Variants in CCNF observed in about 807,000 individuals in gnomAD.
The protein encoded by CCNF is cyclin F, also known as cyclin-F.
In CCNF, 30 loss-of-function variants were observed where a neutral mutation model predicts 85.4. The observed-to-expected ratio is 0.35, with a 90% CI of 0.26 to 0.48. CCNF has a LOEUF of 0.48. CCNF is among the 20% of genes least tolerant of loss of function. The pLI, the probability that CCNF is intolerant of heterozygous loss-of-function variation, is 0.99. For synonymous variants in CCNF, 439 were observed against 425.1 expected (o/e 1.03, Z -0.40); for missense variants, 919 against 1,010.4 (o/e 0.91, Z 1.23).
At chr16:2,437,588 G>C in intron 5 of CCNF, 1 of 426,746 alleles carries the variant, frequency 2.3e-6, no homozygotes, top group East Asian at 4.0e-5. Context: ...GGGGCAGTGG[G>C]AGCTCAAGAC....
chr16:2,449,277 T>C lies in CCNF; in HGVS notation c.1219-5T>C. ...GAGAGCCCACACCCCGTCCCGGCTG[T>C]CTAGGTCCCCACTGTGGTGGATTAC... On this transcript the variant is annotated splice_polypyrimidine_tract_variant and splice_region_variant and intron_variant, in intron 11 of 16. Coordinates refer to ENST00000397066, the MANE Select transcript of CCNF (RefSeq NM_001761.3). 1 of 1,613,526 alleles carries C rather than the reference T, an allele frequency of 6.2e-7. No homozygotes were observed. The highest frequency in any genetic ancestry group is 8.5e-7 in the Non-Finnish European group (1 of 1,179,684).
chr16:2,436,750 A>C, intron 4 of CCNF: 2 of 164,158 alleles, frequency 1.2e-5, no homozygotes, highest in Non-Finnish European at 2.6e-5. Context: ...GTCTAATTTT[A>C]GAATATTCTC....
Position 2,439,765 on chromosome 16 carries a change from G to A in CCNF, c.716G>A (p.Arg239Gln), listed in dbSNP as rs147234069. 79 of 1,613,964 alleles carry A rather than the reference G, an allele frequency of 4.9e-5. No individual in the cohort carries two copies. The highest frequency in any genetic ancestry group is 1.6e-4 in the Middle Eastern group (1 of 6,084). ...DRRTDVSDPG[R>Q]CLHSFRKLRD... ...CATTGACAGGTGTCAGATCCTGGGC[G>A]ATGCCTCCACAGCTTCCGAAAACTC... is the stretch of plus-strand genomic sequence containing the variant. The change falls in exon 8 of 17, where the codon CGA becomes CAA. Residue 239 changes from arginine (R) to glutamine (Q), a missense_variant. This residue lies in a region of CCNF where 410 missense variants were observed against 478.6 expected (regional missense o/e 0.86). Coordinates refer to ENST00000397066, the MANE Select transcript of CCNF (RefSeq NM_001761.3).
Position 2,448,941 on chromosome 16 carries a change from T to A in CCNF, c.1181T>A (p.Met394Lys). The change falls in exon 11 of 17, where the codon ATG (methionine) becomes AAG (lysine). Residue 394 changes from methionine (M) to lysine (K), a missense_variant. Around this residue, in one of 3 missense-constraint regions of CCNF, gnomAD observed 505 missense variants for 514.8 expected, o/e 0.98. Coordinates refer to ENST00000397066, the MANE Select transcript of CCNF (RefSeq NM_001761.3). ...AAGTACGAGGACCTGGTGAGAATGA[T>A]GGGCGAGATCGTCTCCGCCTTGGAA... ...TYKYEDLVRMMGEIVSALEGK... is the reference protein window; with the variant it reads ...TYKYEDLVRMKGEIVSALEGK... 1 of 1,614,102 alleles carries A rather than the reference T, an allele frequency of 6.2e-7. No individual in the cohort carries two copies. The highest frequency in any genetic ancestry group is 8.5e-7 in the Non-Finnish European group (1 of 1,179,978).
intron 4 of CCNF, chr16:2,436,076 G>A (rs1016047602): frequency 1.3e-5 from 6 of 467,172 alleles, no homozygotes; most frequent in Non-Finnish European, 2.3e-5. Flanking sequence ...TGCAGGTTAC[G>A]AAAGTCGCCT....
chr16:2,437,201 G>T lies in CCNF; in HGVS notation c.419G>T (p.Arg140Leu), dbSNP rs371783851. Residue 140 changes from arginine to leucine, a missense_variant, in exon 5 of 17, where the codon CGG (arginine) becomes CTG (leucine). Physicochemically the swap from Arg to Leu is moderately radical, Grantham distance 102 (BLOSUM62 -2). Around this residue, in one of 3 missense-constraint regions of CCNF, gnomAD observed 410 missense variants for 478.6 expected, o/e 0.86. Coordinates refer to ENST00000397066, the MANE Select transcript of CCNF (RefSeq NM_001761.3). ...TCTCGCTTCTTCAGTCTCGCTGAGCGGCTGAATGTGGGTGCCGCACCTTTC... is the reference window on the plus strand; with the variant it reads ...TCTCGCTTCTTCAGTCTCGCTGAGCTGCTGAATGTGGGTGCCGCACCTTTC... ...KASRFFSLAE[R>L]LNVGAAPFIW... 1 of 1,612,782 alleles carries T rather than the reference G, an allele frequency of 6.2e-7. No homozygotes were observed.
chr16:2,457,205 G>T lies in CCNF; in HGVS notation c.*185G>T, dbSNP rs2065434516. 5.4e-6 allele frequency: 3 copies of T among 558,538 alleles called. No homozygotes were observed. Among genetic ancestry groups the T allele is most frequent in the Non-Finnish European group, 9.4e-6 (3 of 317,860 alleles). 34.6% of individuals were successfully genotyped at this position (558,538 alleles called of 1,614,324 possible). On this transcript the variant is annotated 3_prime_UTR_variant, in exon 17 of 17. Transcript: ENST00000397066. ...GTGCAAGCCATCAGAATGTTGAAAT[G>T]AGGGTGAAGAGCTCAGATCCCTCTC...
In CCNF at chr16:2,435,891, C is replaced by T. The variant is rs748610423; in HGVS notation, c.346+18C>T. Reference sequence around the variant, plus strand: ...TGAAGGCCGTAAGTCCTCACCCCACCTGCATGTTGGCGCTTCAGATAAGTG... The same window carrying T: ...TGAAGGCCGTAAGTCCTCACCCCACTTGCATGTTGGCGCTTCAGATAAGTG... On this transcript the variant is annotated intron_variant, in intron 4 of 16. Transcript: ENST00000397066. 6.3e-7 allele frequency: 1 copy of T among 1,596,954 alleles called. No homozygotes were observed. The highest frequency in any genetic ancestry group is 8.6e-7 in the Non-Finnish European group (1 of 1,164,696).
Position 2,456,780 on chromosome 16 carries a change from C to T in CCNF, c.2121C>T (p.Thr707=), listed in dbSNP as rs755777856. 20 of 1,613,540 alleles carry T rather than the reference C, an allele frequency of 1.2e-5. No individual in the cohort carries two copies. In the East Asian group the frequency reaches 1.3e-4, roughly 11 times the overall value. ...VTTSGYSSVS[T]ASPTSSVDGG... ...CCTCAGGGTACTCCTCCGTCAGCAC[C>T]GCAAGTCCCACAAGCTCCGTGGACG... The change falls in exon 17 of 17, where the codon ACC becomes ACT. Residue 707 remains threonine (T), a synonymous_variant. Coordinates refer to ENST00000397066, the MANE Select transcript of CCNF (RefSeq NM_001761.3). The surrounding 1 kb of genome is among the most constrained non-coding windows in gnomAD (Gnocchi z 4.5).
chr16:2,429,839 G>T (rs1180109354), intron 1 of CCNF, among the ~76,000 whole-genome samples: 1 of 152,106 alleles, frequency 6.6e-6, no homozygotes, highest in Non-Finnish European at 1.5e-5. Context: ...GCGCCTCCTG[G>T]TCGGGGAAAG....
chr16:2,448,891 C>T lies in CCNF; in HGVS notation c.1131C>T (p.Ala377=), dbSNP rs371121254. ...AAGAGATCCTGACCATCCGGGAGGC[C>T]GTATGGCTCACGGACAACACTTACA... The part of the protein sequence containing the change: ...ISKEILTIRE[A]VWLTDNTYKY... The change falls in exon 11 of 17, where the codon GCC becomes GCT. Residue 377 remains alanine, a synonymous_variant. Coordinates refer to ENST00000397066, the MANE Select transcript of CCNF (RefSeq NM_001761.3). The T allele has an allele frequency of 1.7e-5, 28 of 1,613,552 alleles. No homozygotes were observed. Among genetic ancestry groups the T allele is most frequent in the African/African-American group, 2.7e-5 (2 of 74,930 alleles).
In CCNF at chr16:2,437,167, C is replaced by T; in HGVS notation, c.385C>T (p.Leu129=). The change falls in exon 5 of 17, where the codon CTG becomes TTG. Residue 129 remains leucine (L), a synonymous_variant. Transcript: ENST00000397066. ...SDEARAEVNG[L]KASRFFSLAE... ...TGAGGCCCGCGCAGAAGTGAATGGC[C>T]TGAAGGCCTCTCGCTTCTTCAGTCT... is the stretch of plus-strand genomic sequence containing the variant. 6.2e-7 allele frequency: 1 copy of T among 1,610,448 alleles called. No homozygotes were observed. Among genetic ancestry groups the T allele is most frequent in the Non-Finnish European group, 8.5e-7 (1 of 1,177,338 alleles).
chr16:2,439,883 G>T (rs1354658049), intron 8 of CCNF, 57 bp downstream of exon 8: 33 of 1,479,760 alleles, frequency 2.2e-5, no homozygotes, highest in Non-Finnish European at 2.8e-5. Flanking sequence ...CCAGCCTTGG[G>T]GCAGGACTAT....
At chr16:2,440,551 T>TCC (rs2065315652) in intron 8 of CCNF, among the ~76,000 whole-genome samples, 1 of 151,890 alleles carries the variant, frequency 6.6e-6, no homozygotes, top group African/African-American at 2.4e-5. Context: ...GAGGTTGCAG[T>TCC]ACCACTACAC....
Position 2,456,325 on chromosome 16 carries a change from A to G in CCNF, c.1886-220A>G. On this transcript the variant is annotated intron_variant, in intron 16 of 16. Coordinates refer to ENST00000397066, the MANE Select transcript of CCNF (RefSeq NM_001761.3). This position sits in a 1 kb window ranked among gnomAD's most constrained non-coding sequence, Gnocchi z 4.5. ...TCTGCGTCCACTTGGCTTGAGCTAG[A>G]TGGCCAACTTGTCATCTCCACATTT... 2 of 480,130 alleles carry G rather than the reference A, an allele frequency of 4.2e-6. No homozygotes were observed. The highest frequency in any genetic ancestry group is 7.3e-6 in the Non-Finnish European group (2 of 273,382). The allele number at this position is 480,130 out of a possible 1,614,324, so 29.7% of individuals were successfully genotyped here. A position where few individuals can be genotyped will look rare whatever the true frequency, so the allele number is the denominator to read the frequency against.
At chr16:2,443,922 C>CT in intron 9 of CCNF, 122 bp downstream of exon 9, 1 of 774,666 alleles carries the variant, frequency 1.3e-6, no homozygotes, top group African/African-American at 3.7e-5. Flanking sequence ...TCCCTTATCA[C>CT]CCTTTTTTTT....
rs150770898 is a variant in CCNF, at chr16:2,453,886, C to G, written c.1715+349C>G. 7.2e-5 allele frequency among the ~76,000 whole-genome samples: 11 copies of G among 152,222 alleles called. No individual in the cohort carries two copies. Among genetic ancestry groups the G allele is most frequent in the African/African-American group, 2.7e-4 (11 of 41,460 alleles). On this transcript the variant is annotated intron_variant, in intron 15 of 16. Transcript: ENST00000397066. This position sits in a 1 kb window ranked among gnomAD's most constrained non-coding sequence, Gnocchi z 5.6. ...TCTCTGCTCCATGATGCTGCTGTCA[C>G]TCCCGGCACTCGAGCTGTGACCTGA...
Position 2,452,278 on chromosome 16 carries a change from G to A in CCNF, c.1488-932G>A. On this transcript the variant is annotated intron_variant, in intron 13 of 16. Coordinates refer to ENST00000397066, the MANE Select transcript of CCNF (RefSeq NM_001761.3). This position sits in a 1 kb window ranked among gnomAD's most constrained non-coding sequence, Gnocchi z 4.1. ...TCTGCTTTTTCTCCCACCATGCTGT[G>A]CTCCAGCCACAGGGGACCTGGTGGC... is the stretch of plus-strand genomic sequence containing the variant. Among the ~76,000 whole-genome samples, 1 of 152,180 alleles carries A rather than the reference G, an allele frequency of 6.6e-6. No homozygotes were observed. Among genetic ancestry groups the A allele is most frequent in the East Asian group, 1.9e-4 (1 of 5,190 alleles).
In CCNF at chr16:2,451,642, C is replaced by A. The variant is rs929600907; in HGVS notation, c.1488-1568C>A. ...CCTAGCTCACTGCAGCCCTGACCTC[C>A]CGGGCTCAAGGGATTCTTTTGTGTC... On this transcript the variant is annotated intron_variant, in intron 13 of 16. Coordinates refer to ENST00000397066, the MANE Select transcript of CCNF (RefSeq NM_001761.3). This position sits in a 1 kb window ranked among gnomAD's most constrained non-coding sequence, Gnocchi z 4.3. Among the ~76,000 whole-genome samples, 1 of 152,186 alleles carries A rather than the reference C, an allele frequency of 6.6e-6. No individual in the cohort carries two copies. Among genetic ancestry groups the A allele is most frequent in the Non-Finnish European group, 1.5e-5 (1 of 68,024 alleles).
Sources: allele counts gnomAD v4.1 joint callset (sites outside exome capture counted in the v4.1 genomes callset), GRCh38; gene constraint gnomAD v4.1.1; regional missense constraint gnomAD v4.1.1; non-coding constraint Gnocchi (gnomAD v3.1); transcripts MANE v1.5; gene names NCBI Gene and HGNC (gene_info 2026-07-23, HGNC 2026-07-21).